The following SETX variants were observed in gnomAD, a reference collection of about 807,000 sequenced individuals.
SETX encodes senataxin, also known as helicase senataxin.
SETX carries 90 observed loss-of-function variants against 227.2 expected under a neutral mutation model. The observed-to-expected ratio is 0.40, with a 90% CI of 0.33 to 0.47. The LOEUF is 0.47. Among genes scored for constraint, SETX ranks in the 20% least tolerant of loss-of-function variants. SETX has a pLI of 0.91. For synonymous variants in SETX, 1,210 were observed against 1,113.2 expected (o/e 1.09, Z -1.73); for missense variants, 3,052 against 3,181.5 (o/e 0.96, Z 0.98).
At chr9:132,273,375 C>G (rs1422441828) in intron 23 of SETX, among the ~76,000 whole-genome samples, 1 of 152,116 alleles carries the variant, frequency 6.6e-6, no homozygotes, top group Non-Finnish European at 1.5e-5. Context: ...GTTGGCCAGG[C>G]TGGTCTTGAA....
chr9:132,307,193 T>C (rs1397244876), intron 11 of SETX, among the ~76,000 whole-genome samples: 1 of 152,082 alleles, frequency 6.6e-6, no homozygotes, highest in Non-Finnish European at 1.5e-5. Flanking sequence ...AGACAGAAGT[T>C]GCAGTGAGCC....
intron 10 of SETX, among the ~76,000 whole-genome samples, chr9:132,317,205 C>T (rs1310336965): frequency 6.6e-6 from 1 of 152,186 alleles, no homozygotes; most frequent in Non-Finnish European, 1.5e-5. Flanking sequence ...AGTTCCTGTG[C>T]TATCTTCTTC....
At chr9:132,350,220 C>T (rs1037563294) in intron 2 of SETX, among the ~76,000 whole-genome samples, 25 of 152,040 alleles carry the variant, frequency 1.6e-4, no homozygotes, top group African/African-American at 4.1e-4. Flanking sequence ...GCTGGTGGTG[C>T]GCATCTGCAA....
intron 25 of SETX, chr9:132,269,296 T>C: frequency 1.4e-6 from 1 of 708,816 alleles, no homozygotes; most frequent in Non-Finnish European, 2.1e-6. Flanking sequence ...ATTTACTGAG[T>C]GTTTACTAAG....
At chr9:132,312,480 C>G (rs1247193004) in intron 10 of SETX, among the ~76,000 whole-genome samples, 2 of 152,114 alleles carry the variant, frequency 1.3e-5, no homozygotes, top group Non-Finnish European at 2.9e-5. Flanking sequence ...AATATATTAC[C>G]TTTTGGGCCC....
intron 22 of SETX, 106 bp from the exon 23 acceptor site, chr9:132,275,526 C>T: frequency 1.1e-6 from 1 of 919,112 alleles, no homozygotes; most frequent in Non-Finnish European, 1.7e-6. Context: ...AAAGGGCAGG[C>T]AGATAGGCTT....
intron 5 of SETX, among the ~76,000 whole-genome samples, chr9:132,341,224 T>C (rs1847938918): frequency 6.6e-6 from 1 of 151,936 alleles, no homozygotes; most frequent in African/African-American, 2.4e-5. Flanking sequence ...TCTCAAAAAA[T>C]AAAATATAAT....
chr9:132,321,117 A>C (rs1846298927), intron 10 of SETX, among the ~76,000 whole-genome samples: 1 of 152,136 alleles, frequency 6.6e-6, no homozygotes, highest in East Asian at 1.9e-4. Context: ...CCCCACTCCT[A>C]CCCAGCCCTC....
intron 7 of SETX, among the ~76,000 whole-genome samples, chr9:132,331,907 C>T (rs1051837543): frequency 3.3e-5 from 5 of 152,098 alleles, no homozygotes; most frequent in African/African-American, 1.2e-4. Context: ...ACATGAAGCC[C>T]ATAATACAAG....
rs368082724 is a variant in SETX at position 132,291,342 on chromosome 9, A to C, written c.6107-2691T>G. 1.1e-3 allele frequency among the ~76,000 whole-genome samples: 172 copies of C among 151,714 alleles called. 1 individual carries two copies. In the South Asian group the frequency reaches 0.02, roughly 18 times the overall value. Reference sequence around the variant, plus strand: ...CCACCACGCCCAGCTAATTTTTTGTATTTTTAGTAGAGATGGGGTTTCACT... The same window carrying C: ...CCACCACGCCCAGCTAATTTTTTGTCTTTTTAGTAGAGATGGGGTTTCACT... On this transcript the variant is annotated intron_variant, in intron 15 of 25. Coordinates refer to ENST00000224140, the MANE Select transcript of SETX (RefSeq NM_015046.7).
chr9:132,314,023 G>GT (rs1010521118), intron 10 of SETX, among the ~76,000 whole-genome samples: 1 of 151,772 alleles, frequency 6.6e-6, no homozygotes, highest in Admixed American at 6.6e-5. Context: ...CCTCCGCCTC[G>GT]TGGGTTCAAG....
chr9:132,310,572 G>C (rs1845588887), intron 11 of SETX, among the ~76,000 whole-genome samples: 1 of 152,144 alleles, frequency 6.6e-6, no homozygotes, highest in Non-Finnish European at 1.5e-5. Flanking sequence ...TAGATTTTAG[G>C]ACAGTTCTCA....
At chr9:132,354,653 G>A (rs1281265514) in intron 1 of SETX, among the ~76,000 whole-genome samples, 1 of 151,984 alleles carries the variant, frequency 6.6e-6, no homozygotes, top group Non-Finnish European at 1.5e-5. Flanking sequence ...CAGCTCACAC[G>A]AGACCGCAGT....
chr9:132,326,411 G>C lies in SETX; in HGVS notation c.5187C>G (p.Ile1729Met), dbSNP rs1846760916. Residue 1729 changes from isoleucine to methionine, a missense_variant, in exon 10 of 26, where the codon ATC becomes ATG. By Grantham distance (10) the Ile-to-Met change is conservative. Coordinates refer to ENST00000224140, the MANE Select transcript of SETX (RefSeq NM_015046.7). ...GAAATCTGACAGGCACAGGTCTTGA[G>C]ATGGACTGACAAAGACTTGCAGGGG... Reference protein sequence around the residue: ...CGPPASLCQSISRPVPVRFHN... With the variant: ...CGPPASLCQSMSRPVPVRFHN... The C allele has an allele frequency of 1.2e-6, 2 of 1,613,980 alleles. No homozygotes were observed. The highest frequency in any genetic ancestry group is 1.3e-5 in the African/African-American group (1 of 74,928).
intron 15 of SETX, among the ~76,000 whole-genome samples, chr9:132,292,430 A>AAAAAG (rs1844388354): frequency 6.7e-6 from 1 of 149,136 alleles, no homozygotes; most frequent in African/African-American, 2.5e-5. Context: ...AAAAAAAAAA[A>AAAAAG]AAAAAAAGAA....
At position 132,327,462 on chromosome 9, in the gene SETX, T is replaced by G; in HGVS notation, c.4136A>C (p.His1379Pro). The G allele has an allele frequency of 6.2e-7, 1 of 1,614,184 alleles. No homozygotes were observed. Among genetic ancestry groups the G allele is most frequent in the Non-Finnish European group, 8.5e-7 (1 of 1,180,034 alleles). ...AAATATGTCAGAATTCTGTGCTGTA[T>G]GTGACCCTGCTCTTTTAACATCTGT... ...ESTDVKRAGS[H>P]TAQNSDIFVP... The change falls in exon 10 of 26, where the codon CAT (histidine) becomes CCT (proline). Residue 1379 changes from histidine (H) to proline (P), a missense_variant. This residue lies in a region of SETX where 1,483 missense variants were observed against 1,312.0 expected (regional missense o/e 1.13). Transcript: ENST00000224140.
chr9:132,280,143 A>G (rs1360597206), intron 20 of SETX, among the ~76,000 whole-genome samples: 6 of 152,236 alleles, frequency 3.9e-5, no homozygotes. Flanking sequence ...GCCTAGCAAT[A>G]TCTGTTAAAA....
intron 10 of SETX, among the ~76,000 whole-genome samples, chr9:132,321,075 C>T (rs1367003515): frequency 6.6e-6 from 1 of 152,198 alleles, no homozygotes; most frequent in Non-Finnish European, 1.5e-5. Context: ...TAAATGTTTA[C>T]ACACTGAATG....
chr9:132,314,637 A>G (rs1244430422), intron 10 of SETX, among the ~76,000 whole-genome samples: 1 of 152,172 alleles, frequency 6.6e-6, no homozygotes, highest in Non-Finnish European at 1.5e-5. Flanking sequence ...TGAACGACAG[A>G]TATCCAGTTA....
Sources: gnomAD v4.1 joint callset for allele counts (sites outside exome capture counted in the v4.1 genomes callset) on GRCh38, gnomAD v4.1.1 for gene constraint, gnomAD v4.1.1 regional missense constraint, MANE v1.5 for transcripts, NCBI Gene and HGNC (gene_info 2026-07-23, HGNC 2026-07-21) for gene names.